Variants in ARHGAP10 observed in about 807,000 individuals in gnomAD.
ARHGAP10 encodes the protein rho GTPase-activating protein 10.
Under a neutral mutation model 108.6 loss-of-function variants are expected in ARHGAP10, and 87 were observed. The observed-to-expected ratio is 0.80, with a 90% CI of 0.67 to 0.96. The LOEUF (loss-of-function observed/expected upper bound fraction) is 0.96. Ranked by LOEUF, ARHGAP10 falls within the 40% of genes least tolerant of loss-of-function variation. The pLI is 0.00. For synonymous variants in ARHGAP10, 347 were observed against 341.1 expected (o/e 1.02, Z -0.19); for missense variants, 939 against 954.5 (o/e 0.98, Z 0.21).
At chr4:147,938,576 G>A (rs531216708) in intron 13 of ARHGAP10, among the ~76,000 whole-genome samples, 1 of 152,144 alleles carries the variant, frequency 6.6e-6, no homozygotes, top group African/African-American at 2.4e-5. Context: ...TAGAGACTCC[G>A]AGAGGTTTCC....
At chr4:147,801,799 A>T (rs776542718) in intron 1 of ARHGAP10, among the ~76,000 whole-genome samples, 1 of 152,230 alleles carries the variant, frequency 6.6e-6, no homozygotes, top group Non-Finnish European at 1.5e-5. Context: ...CTCTCAAAAT[A>T]GTTCTCCATG....
intron 3 of ARHGAP10, among the ~76,000 whole-genome samples, chr4:147,831,534 C>A (rs1365519590): frequency 1.3e-5 from 2 of 152,182 alleles, no homozygotes; most frequent in African/African-American, 4.8e-5. Flanking sequence ...TGTTGGCAGG[C>A]ACATTCAGAA....
chr4:147,780,723 G>A (rs1018606112), intron 1 of ARHGAP10, among the ~76,000 whole-genome samples: 1 of 152,164 alleles, frequency 6.6e-6, no homozygotes, highest in Non-Finnish European at 1.5e-5. Context: ...CATCTTGTGG[G>A]TGGTATAAGC....
intron 13 of ARHGAP10, among the ~76,000 whole-genome samples, chr4:147,918,133 ATTTT>A (rs760617123): frequency 7.7e-6 from 1 of 129,980 alleles, no homozygotes; most frequent in Admixed American, 8.0e-5. Flanking sequence ...TCTCATTAAG[ATTTT>A]TTTTTTTTTT....
chr4:147,856,868 A>G (rs1328745067), intron 4 of ARHGAP10, among the ~76,000 whole-genome samples: 7 of 152,126 alleles, frequency 4.6e-5, no homozygotes, highest in African/African-American at 1.7e-4. Flanking sequence ...ATACTGATTG[A>G]TTGAGACAGA....
intron 1 of ARHGAP10, among the ~76,000 whole-genome samples, chr4:147,814,957 A>G (rs1246216619): frequency 6.6e-6 from 1 of 152,170 alleles, no homozygotes. Context: ...CCACCACCCT[A>G]CTAATTACCA....
At chr4:148,070,585 T>C (rs1440600953) in intron 22 of ARHGAP10, among the ~76,000 whole-genome samples, 1 of 152,216 alleles carries the variant, frequency 6.6e-6, no homozygotes, top group Non-Finnish European at 1.5e-5. Flanking sequence ...CAAAGAATAA[T>C]ACTTTTCTAC....
intron 1 of ARHGAP10, among the ~76,000 whole-genome samples, chr4:147,772,314 G>A (rs997765733): frequency 6.6e-5 from 10 of 152,188 alleles, no homozygotes; most frequent in African/African-American, 2.4e-4. Flanking sequence ...GTGTGTATCT[G>A]CCAGTTGACA....
intron 22 of ARHGAP10, chr4:148,065,566 C>G (rs909698945): frequency 1.3e-5 from 2 of 152,200 alleles, no homozygotes; most frequent in Admixed American, 1.3e-4. Context: ...CCATAACATA[C>G]ATGCAGTTTT....
intron 17 of ARHGAP10, among the ~76,000 whole-genome samples, chr4:147,965,359 A>C (rs1739166493): frequency 6.6e-6 from 1 of 152,218 alleles, no homozygotes; most frequent in African/African-American, 2.4e-5. Context: ...GAAGTGAAAG[A>C]AGAGAATATT....
intron 20 of ARHGAP10, among the ~76,000 whole-genome samples, chr4:148,054,215 GTAA>G (rs1729265549): frequency 6.6e-6 from 1 of 152,206 alleles, no homozygotes; most frequent in Non-Finnish European, 1.5e-5. Context: ...GTTTACATTG[GTAA>G]GTCACTGATT....
At chr4:148,035,468 G>T (rs1259092537) in intron 19 of ARHGAP10, among the ~76,000 whole-genome samples, 1 of 152,152 alleles carries the variant, frequency 6.6e-6, no homozygotes. Context: ...TTTTTCTAGA[G>T]AGAATTTCAG....
intron 1 of ARHGAP10, among the ~76,000 whole-genome samples, chr4:147,791,945 CA>C (rs1731142156): frequency 6.6e-6 from 1 of 152,188 alleles, no homozygotes; most frequent in African/African-American, 2.4e-5. Context: ...TCCAAATTTT[CA>C]TTAATGTAAA....
intron 18 of ARHGAP10, among the ~76,000 whole-genome samples, chr4:147,994,509 G>A (rs114821318): frequency 3.9e-4 from 60 of 152,242 alleles, no homozygotes; most frequent in Non-Finnish European, 7.5e-4. Flanking sequence ...TAGGTTATGG[G>A]GAAGATTTAT....
intron 3 of ARHGAP10, among the ~76,000 whole-genome samples, chr4:147,839,161 T>C (rs2126807868): frequency 6.6e-6 from 1 of 152,238 alleles, no homozygotes; most frequent in South Asian, 2.1e-4. Flanking sequence ...TCTGTCTATG[T>C]ATATATAAAG....
chr4:147,847,373 T>A, intron 4 of ARHGAP10, 151 bp downstream of exon 4: 7 of 732,826 alleles, frequency 9.6e-6, no homozygotes, highest in Non-Finnish European at 1.5e-5. Context: ...TTGGGGGATA[T>A]GGAATTGGAA....
intron 19 of ARHGAP10, among the ~76,000 whole-genome samples, chr4:148,039,369 T>TTTTTTTTTC (rs1728528204): frequency 1.3e-5 from 1 of 78,376 alleles, no homozygotes; most frequent in Non-Finnish European, 2.2e-5. Context: ...ACTACTTCAA[T>TTTTTTTTTC]TTTTTTTTTT....
intron 1 of ARHGAP10, 129 bp downstream of exon 1, chr4:147,732,584 C>A: frequency 1.5e-6 from 2 of 1,307,408 alleles, no homozygotes; most frequent in Non-Finnish European, 2.1e-6. Context: ...CATTCCGGAC[C>A]AGCCCAGCTC....
In ARHGAP10 at chr4:147,866,817, G is replaced by C; in HGVS notation, c.702+1G>C. On this transcript the variant is annotated splice_donor_variant, in intron 7 of 22. Transcript: ENST00000336498. LOFTEE classifies it high-confidence loss of function. ...GGAACTACAGATCAACATTCAGAAT[G>C]TAAGGAAGTGAAAGCTTTCTTTATA... 1 of 1,593,242 alleles carries C rather than the reference G, an allele frequency of 6.3e-7. No individual in the cohort carries two copies. The highest frequency in any genetic ancestry group is 1.7e-5 in the Admixed American group (1 of 59,082).
Sources: allele counts gnomAD v4.1 joint callset (sites outside exome capture counted in the v4.1 genomes callset), GRCh38; gene constraint gnomAD v4.1.1; transcripts MANE v1.5; gene names NCBI Gene and HGNC (gene_info 2026-07-23, HGNC 2026-07-21).